Variants in ZNF880 observed in about 807,000 individuals in gnomAD.
The protein encoded by ZNF880 is zinc finger protein LOC400713.
ZNF880 carries 12 observed loss-of-function variants against 11.8 expected under a neutral mutation model. The ratio of observed to expected loss-of-function variants is 1.02; its 90% CI spans 0.65 to 1.65. The LOEUF (loss-of-function observed/expected upper bound fraction) is 1.65. ZNF880 is among the 40% of genes most tolerant of loss of function. The pLI is 0.00. For synonymous variants in ZNF880, 210 were observed against 232.4 expected (o/e 0.90, Z 0.88); for missense variants, 601 against 673.9 (o/e 0.89, Z 1.20).
intron 1 of ZNF880, chr19:52,370,195 G>A (rs1468493283): frequency 1.6e-5 from 10 of 615,678 alleles, no homozygotes; most frequent in Non-Finnish European, 2.9e-5. Context: ...ACAGGGCCAT[G>A]TAGACAGCTC....
chr19:52,376,758 C>T (rs1986570196), intron 3 of ZNF880, among the ~76,000 whole-genome samples: 1 of 152,072 alleles, frequency 6.6e-6, no homozygotes, highest in Admixed American at 6.6e-5. Flanking sequence ...GATCCACCCG[C>T]CTTGGGCTCC....
chr19:52,372,539 T>C lies in ZNF880; in HGVS notation c.13-572T>C, dbSNP rs1488310934. Among the ~76,000 whole-genome samples the C allele has an allele frequency of 4.7e-5, 7 of 150,252 alleles. No homozygotes were observed. The South Asian group carries it at 8.6e-4, about 19-fold the overall frequency. On this transcript the variant is annotated intron_variant, in intron 1 of 3. Coordinates refer to ENST00000422689, the MANE Select transcript of ZNF880 (RefSeq NM_001145434.2). The stretch of plus-strand genomic sequence containing the variant: ...TCGTGACCTCATGATCCACCCGCCT[T>C]GGCCTCCCAAAGTGCTGGGATTACA...
rs1334445594 is a variant in ZNF880, at chr19:52,374,490, GCT to G, written c.268+66_268+67del. 3.9e-6 allele frequency: 6 copies of G among 1,542,336 alleles called. No homozygotes were observed. In the Admixed American group the frequency reaches 1.2e-4, roughly 30 times the overall value. On this transcript the variant is annotated intron_variant, in intron 3 of 3. Coordinates refer to ENST00000422689, the MANE Select transcript of ZNF880 (RefSeq NM_001145434.2). The stretch of plus-strand genomic sequence containing the variant: ...TTTTTTTTTTTTTAAACAGGGTCTT[GCT>G]CTGTCACCCAGGCTGTCGTAGAGTG...
upstream of ZNF880, among the ~76,000 whole-genome samples, chr19:52,368,973 C>CAA (rs3029482): frequency 3.9e-4 from 28 of 71,852 alleles, no homozygotes; most frequent in African/African-American, 8.4e-4. Flanking sequence ...GAGACCATCT[C>CAA]AAAAAAAAAA....
intron 3 of ZNF880, among the ~76,000 whole-genome samples, chr19:52,375,291 A>C (rs1213132988): frequency 2.6e-5 from 4 of 151,344 alleles, no homozygotes; most frequent in African/African-American, 9.7e-5. Flanking sequence ...ATTTCAAGCC[A>C]TTCTCATGCT....
chr19:52,369,812 G>C (rs573225330), upstream of ZNF880: 3 of 847,000 alleles, frequency 3.5e-6, no homozygotes, highest in African/African-American at 5.1e-5. Flanking sequence ...CAGTCTCCAC[G>C]GCAGGTCTAG....
intron 1 of ZNF880, among the ~76,000 whole-genome samples, chr19:52,372,860 G>A (rs539048793): frequency 0.026 from 3,756 of 145,626 alleles, 153 homozygotes; most frequent in African/African-American, 0.091. Flanking sequence ...CAGTGAGCCA[G>A]GATCGCGCCA....
At chr19:52,381,975 A>G (rs1986719205) in intron 3 of ZNF880, among the ~76,000 whole-genome samples, 1 of 152,194 alleles carries the variant, frequency 6.6e-6, no homozygotes, top group Non-Finnish European at 1.5e-5. Context: ...AGGAAAATCT[A>G]TACATATATA....
chr19:52,379,437 C>G (rs1383416060), intron 3 of ZNF880: 1 of 432,820 alleles, frequency 2.3e-6, no homozygotes, highest in Non-Finnish European at 4.6e-6. Flanking sequence ...GCTCTGTCAC[C>G]CAGGCTGGAG....
chr19:52,391,715 A>G, the ZNF880 span: 3 of 152,202 alleles, frequency 2.0e-5, no homozygotes, highest in Non-Finnish European at 4.4e-5. Flanking sequence ...AGGCATGTGC[A>G]TTTCCTAATT....
chr19:52,370,804 C>G (rs888825183), intron 1 of ZNF880, among the ~76,000 whole-genome samples: 3 of 152,178 alleles, frequency 2.0e-5, no homozygotes, highest in Non-Finnish European at 2.9e-5. Context: ...ACAACGACAG[C>G]CAGGCACAGT....
intron 3 of ZNF880, chr19:52,374,678 G>C (rs2122361112): frequency 1.6e-6 from 1 of 634,926 alleles, no homozygotes; most frequent in East Asian, 2.7e-5. Flanking sequence ...CTCTGCAAGT[G>C]AGAGAATTCT....
upstream of ZNF880, among the ~76,000 whole-genome samples, chr19:52,369,653 C>T (rs1418702701): frequency 6.6e-6 from 1 of 152,124 alleles, no homozygotes; most frequent in African/African-American, 2.4e-5. Context: ...GATCCTCCCA[C>T]CTCAGCATCC....
the ZNF880 span, among the ~76,000 whole-genome samples, chr19:52,395,124 C>CT: frequency 1.3e-5 from 2 of 152,174 alleles, no homozygotes; most frequent in African/African-American, 4.8e-5. Flanking sequence ...TGTTGGTACA[C>CT]TATTTTTTTT....
At chr19:52,368,044 CAA>C (rs11297392), upstream of ZNF880, among the ~76,000 whole-genome samples, 2 of 139,306 alleles carry the variant, frequency 1.4e-5, no homozygotes, top group African/African-American at 5.3e-5. Flanking sequence ...ACTAAAAATA[CAA>C]AAAAAAAAAA....
chr19:52,374,281 CT>C lies in ZNF880; in HGVS notation c.140-15del, dbSNP rs1433835199. 2 of 1,600,950 alleles carry C rather than the reference CT, an allele frequency of 1.2e-6. No individual in the cohort carries two copies. Among genetic ancestry groups the C allele is most frequent in the Admixed American group, 3.4e-5 (2 of 58,592 alleles). ...TGTTAGCCAGGATAGTCTTGATATT[CT>C]TTCTTTTTTTAAATAGGAATCTGTC... On this transcript the variant is annotated splice_polypyrimidine_tract_variant and intron_variant, in intron 2 of 3. Transcript: ENST00000422689.
chr19:52,397,217 G>T, the ZNF880 span: 1 of 150,510 alleles, frequency 6.6e-6, no homozygotes, highest in Admixed American at 6.6e-5. Context: ...TGCCCAACAC[G>T]ATGTCCCTAG....
chr19:52,374,051 T>C (rs926615799), intron 2 of ZNF880, among the ~76,000 whole-genome samples: 7 of 151,596 alleles, frequency 4.6e-5, no homozygotes, highest in Non-Finnish European at 8.8e-5. Context: ...ACAGTACACA[T>C]TTATTCTTTC....
chr19:52,394,055 A>G, the ZNF880 span, among the ~76,000 whole-genome samples: 73 of 151,482 alleles, frequency 4.8e-4, no homozygotes, highest in East Asian at 2.8e-3. Context: ...TAGCCAGGAT[A>G]GTCTCGATCT....
Sources: gnomAD v4.1 joint callset for allele counts (sites outside exome capture counted in the v4.1 genomes callset) on GRCh38, gnomAD v4.1.1 for gene constraint, MANE v1.5 for transcripts, NCBI Gene and HGNC (gene_info 2026-07-23, HGNC 2026-07-21) for gene names.